The following WIPF2 variants were observed in gnomAD, a reference collection of about 807,000 sequenced individuals.
WIPF2 encodes WAS/WASL interacting protein family member 2, also known as WAS/WASL-interacting protein family member 2.
Under a neutral mutation model 38.8 loss-of-function variants are expected in WIPF2, and 23 were observed. That is an observed-to-expected ratio of 0.59 (90% CI 0.43 to 0.84). The LOEUF (loss-of-function observed/expected upper bound fraction) is 0.84, where lower values mean the gene tolerates loss of function less well. WIPF2 is among the 40% of genes least tolerant of loss of function. The pLI is 0.00. For synonymous variants in WIPF2, 210 were observed against 223.2 expected (o/e 0.94, Z 0.53); for missense variants, 574 against 580.5 (o/e 0.99, Z 0.11).
At chr17:40,268,697 C>G (rs1598496923) in intron 5 of WIPF2, among the ~76,000 whole-genome samples, 1 of 152,104 alleles carries the variant, frequency 6.6e-6, no homozygotes, top group Admixed American at 6.5e-5. Context: ...TCCCGAAGCC[C>G]TGGGATTACA....
chr17:40,235,604 G>T (rs1033027254), intron 1 of WIPF2, among the ~76,000 whole-genome samples: 8 of 133,674 alleles, frequency 6.0e-5, no homozygotes, highest in African/African-American at 2.3e-4. Context: ...ACGGAGTTTC[G>T]CTCTTGTTGC....
intron 1 of WIPF2, among the ~76,000 whole-genome samples, chr17:40,228,266 C>G (rs1009370229): frequency 1.3e-5 from 2 of 151,752 alleles, no homozygotes; most frequent in African/African-American, 4.8e-5. Flanking sequence ...CCGCCCGCCT[C>G]GGCCTCCCAA....
At chr17:40,274,482 C>T (rs1317290181) in intron 6 of WIPF2, among the ~76,000 whole-genome samples, 1 of 147,464 alleles carries the variant, frequency 6.8e-6, no homozygotes, top group Non-Finnish European at 1.5e-5. Context: ...CTCAAGCAGT[C>T]CTCCAACCTT....
chr17:40,231,425 CTTTT>C (rs869080815), intron 1 of WIPF2, among the ~76,000 whole-genome samples: 1 of 136,330 alleles, frequency 7.3e-6, no homozygotes, highest in African/African-American at 2.7e-5. Flanking sequence ...GCTTTTCTAC[CTTTT>C]TTTTTTTTTT....
At chr17:40,238,430 A>G (rs1308919741) in intron 1 of WIPF2, among the ~76,000 whole-genome samples, 1 of 151,722 alleles carries the variant, frequency 6.6e-6, no homozygotes, top group Non-Finnish European at 1.5e-5. Context: ...CAGCCTCCCA[A>G]ATAGCTGGGA....
At chr17:40,275,256 A>G (rs563250005) in intron 6 of WIPF2, among the ~76,000 whole-genome samples, 2 of 151,690 alleles carry the variant, frequency 1.3e-5, no homozygotes, top group South Asian at 2.1e-4. Flanking sequence ...AAAAAAAAAA[A>G]AAAAACAAAA....
At chr17:40,248,824 C>CT (rs2031462036) in intron 1 of WIPF2, among the ~76,000 whole-genome samples, 1 of 152,126 alleles carries the variant, frequency 6.6e-6, no homozygotes, top group Admixed American at 6.6e-5. Context: ...TTACCTATCT[C>CT]TGTTTCTTTG....
intron 1 of WIPF2, among the ~76,000 whole-genome samples, chr17:40,230,358 G>C (rs1190771455): frequency 1.3e-5 from 2 of 152,024 alleles, no homozygotes; most frequent in East Asian, 3.9e-4. Flanking sequence ...ACAACTAAAA[G>C]AGTAATAGGA....
chr17:40,282,499 A>G lies in WIPF2; in HGVS notation c.*4274A>G, dbSNP rs771470164. 3.5e-4 allele frequency: 53 copies of G among 152,308 alleles called. No homozygotes were observed. Among genetic ancestry groups the G allele is most frequent in the Admixed American group, 1.0e-3 (16 of 15,302 alleles). 9.4% of individuals were successfully genotyped at this position (152,308 alleles called of 1,614,324 possible). The stretch of plus-strand genomic sequence containing the variant: ...TGTTCATCTGTCTGCATGTGGATCA[A>G]TTTCTTTTAGAAAATAATTTATTGT... On this transcript the variant is annotated 3_prime_UTR_variant, in exon 8 of 8. Transcript: ENST00000323571.
chr17:40,276,964 G>A (rs2032422772), intron 6 of WIPF2, 119 bp from the exon 7 acceptor site: 1 of 844,772 alleles, frequency 1.2e-6, no homozygotes, highest in South Asian at 1.7e-5. Flanking sequence ...TGGGGCAGTA[G>A]GTCCTCACAG....
intron 1 of WIPF2, among the ~76,000 whole-genome samples, chr17:40,226,453 G>A (rs976535548): frequency 4.0e-5 from 6 of 151,250 alleles, no homozygotes; most frequent in Admixed American, 2.0e-4. Flanking sequence ...CTGACCTCGC[G>A]ATCCGCCCAC....
intron 1 of WIPF2, among the ~76,000 whole-genome samples, chr17:40,238,057 T>C (rs2031046574): frequency 6.8e-6 from 1 of 146,282 alleles, no homozygotes; most frequent in South Asian, 2.2e-4. Flanking sequence ...AGAGGGAGAC[T>C]CCGTCTCAAA....
At chr17:40,251,358 CA>C (rs1427852653) in intron 1 of WIPF2, among the ~76,000 whole-genome samples, 1 of 147,804 alleles carries the variant, frequency 6.8e-6, no homozygotes, top group East Asian at 2.0e-4. Context: ...TTTTTTAACT[CA>C]AAGTAGTTCT....
At chr17:40,277,270 T>C in intron 7 of WIPF2, 86 bp downstream of exon 7, 1 of 1,153,800 alleles carries the variant, frequency 8.7e-7, no homozygotes, top group Non-Finnish European at 1.2e-6. Flanking sequence ...TGCTTCTCGC[T>C]GGGCACAGTG....
intron 1 of WIPF2, among the ~76,000 whole-genome samples, chr17:40,254,152 G>A (rs1397560309): frequency 6.6e-6 from 1 of 151,984 alleles, no homozygotes; most frequent in African/African-American, 2.4e-5. Flanking sequence ...AAGTAACTGG[G>A]ATTACAGGTG....
At chr17:40,246,698 G>C (rs991872905) in intron 1 of WIPF2, among the ~76,000 whole-genome samples, 4 of 151,966 alleles carry the variant, frequency 2.6e-5, no homozygotes, top group African/African-American at 4.8e-5. Context: ...CGCCTGGCTA[G>C]GCCTGTGCTA....
In WIPF2 at chr17:40,251,169, C is replaced by T. The variant is rs544596616; in HGVS notation, c.-69-5222C>T. Among the ~76,000 whole-genome samples the T allele has an allele frequency of 7.2e-5, 11 of 152,172 alleles. No homozygotes were observed. In the East Asian group the frequency reaches 1.5e-3, roughly 21 times the overall value. On this transcript the variant is annotated intron_variant, in intron 1 of 7. Transcript: ENST00000323571. Reference sequence around the variant, plus strand: ...GACCTTGTGATCCGCCCTCCTCGGCCTCCCAAAGTGCTGGGATTACAGGCG... The same window carrying T: ...GACCTTGTGATCCGCCCTCCTCGGCTTCCCAAAGTGCTGGGATTACAGGCG...
rs2032609025 is a variant in WIPF2, at chr17:40,284,059, C to T, written c.*5834C>T. On this transcript the variant is annotated 3_prime_UTR_variant, in exon 8 of 8. Coordinates refer to ENST00000323571, the MANE Select transcript of WIPF2 (RefSeq NM_133264.5). ...TCCTTTCATTTTCATCCGTACTTCC[C>T]AGATGGGCTGAATCTCCGATTATTT... The T allele has an allele frequency of 6.6e-6, 1 of 152,162 alleles. No homozygotes were observed. Among genetic ancestry groups the T allele is most frequent in the Non-Finnish European group, 1.5e-5 (1 of 68,026 alleles). 9.4% of individuals were successfully genotyped at this position (152,162 alleles called of 1,614,324 possible). A position where few individuals can be genotyped will look rare whatever the true frequency, so the allele number is the denominator to read the frequency against.
intron 5 of WIPF2, among the ~76,000 whole-genome samples, chr17:40,266,237 C>CAAA (rs973061072): frequency 1.6e-5 from 1 of 62,362 alleles, no homozygotes; most frequent in Non-Finnish European, 3.3e-5. Context: ...CAGTCCATCT[C>CAAA]AAAAAAAAAA....
Sources: gnomAD v4.1 joint callset for allele counts (sites outside exome capture counted in the v4.1 genomes callset) on GRCh38, gnomAD v4.1.1 for gene constraint, MANE v1.5 for transcripts, NCBI Gene and HGNC (gene_info 2026-07-23, HGNC 2026-07-21) for gene names.